SGCZ: variants seen among roughly 807,000 people sequenced by gnomAD.
The protein encoded by SGCZ is zeta-sarcoglycan.
A neutral mutation model predicts 41.3 loss-of-function variants in SGCZ; 40 were observed. The observed-to-expected ratio is 0.97, with a 90% confidence interval of 0.75 to 1.26. SGCZ has a LOEUF of 1.26. Ranked by LOEUF, SGCZ falls within the 50% of genes most tolerant of loss-of-function variation. The pLI, the probability that SGCZ is intolerant of heterozygous loss-of-function variation, is 0.00. For missense variants in SGCZ, 552 were observed against 369.8 expected (o/e 1.49, Z -4.04); for synonymous variants, 206 against 137.5 (o/e 1.50, Z -3.49).
chr8:14,948,391 G>C (rs1800523041), intron 1 of SGCZ, among the ~76,000 whole-genome samples: 1 of 151,958 alleles, frequency 6.6e-6, no homozygotes, highest in African/African-American at 2.4e-5. Flanking sequence ...CACTAAGAAG[G>C]AAACAGAGAG....
intron 1 of SGCZ, among the ~76,000 whole-genome samples, chr8:14,783,084 T>A (rs996880700): frequency 6.6e-5 from 10 of 152,198 alleles, no homozygotes; most frequent in African/African-American, 2.4e-4. Context: ...ATTTGGGGGC[T>A]TCTAATCATA....
chr8:14,551,922 C>G (rs1585072841), intron 2 of SGCZ, among the ~76,000 whole-genome samples: 1 of 150,902 alleles, frequency 6.6e-6, no homozygotes, highest in Non-Finnish European at 1.5e-5. Context: ...TGGCAGCTAT[C>G]CTTGCTATGC....
chr8:14,245,777 G>C (rs1799065099), intron 3 of SGCZ, among the ~76,000 whole-genome samples: 1 of 152,056 alleles, frequency 6.6e-6, no homozygotes, highest in East Asian at 1.9e-4. Context: ...CCATCAAAAA[G>C]TGGGTGAAGG....
chr8:14,994,394 G>A (rs543877264), intron 1 of SGCZ, among the ~76,000 whole-genome samples: 1 of 152,224 alleles, frequency 6.6e-6, no homozygotes, highest in Admixed American at 6.5e-5. Context: ...AACCAGCCTG[G>A]ACAACACGGT....
At chr8:15,143,319 T>G (rs1275645358) in intron 1 of SGCZ, among the ~76,000 whole-genome samples, 2 of 152,216 alleles carry the variant, frequency 1.3e-5, no homozygotes, top group Non-Finnish European at 2.9e-5. Flanking sequence ...TAGCACGTAG[T>G]AGGCATTGAA....
chr8:14,900,817 G>C (rs1201916552), intron 1 of SGCZ, among the ~76,000 whole-genome samples: 1 of 152,110 alleles, frequency 6.6e-6, no homozygotes, highest in Non-Finnish European at 1.5e-5. Context: ...CCAAAATTCA[G>C]AATCTTTCCT....
At chr8:14,829,146 T>G (rs932267704) in intron 1 of SGCZ, among the ~76,000 whole-genome samples, 1 of 125,036 alleles carries the variant, frequency 8.0e-6, no homozygotes, top group African/African-American at 4.1e-5. Flanking sequence ...CATCCAGGTA[T>G]GAAGGTCAGT....
chr8:15,014,170 A>G (rs1303256215), intron 1 of SGCZ, among the ~76,000 whole-genome samples: 1 of 152,204 alleles, frequency 6.6e-6, no homozygotes, highest in Non-Finnish European at 1.5e-5. Flanking sequence ...ACAAGCCTGG[A>G]GCACTGTGGT....
intron 1 of SGCZ, among the ~76,000 whole-genome samples, chr8:14,628,217 C>G (rs1007485834): frequency 6.6e-6 from 1 of 151,924 alleles, no homozygotes; most frequent in Non-Finnish European, 1.5e-5. Context: ...AGCAAGTCAT[C>G]TAAAAAAGAT....
chr8:14,246,572 T>C (rs1433372174), intron 3 of SGCZ, among the ~76,000 whole-genome samples: 2 of 150,144 alleles, frequency 1.3e-5, no homozygotes, highest in Non-Finnish European at 3.0e-5. Context: ...ATTGTGCACA[T>C]GTACCCTAAA....
intron 1 of SGCZ, among the ~76,000 whole-genome samples, chr8:14,893,138 C>A (rs1300449757): frequency 6.6e-6 from 1 of 152,110 alleles, no homozygotes; most frequent in Non-Finnish European, 1.5e-5. Flanking sequence ...CCCATCCAAT[C>A]ACATGGGTCC....
intron 1 of SGCZ, among the ~76,000 whole-genome samples, chr8:15,094,767 T>A (rs1806276093): frequency 6.6e-6 from 1 of 152,184 alleles, no homozygotes. Flanking sequence ...CTCTTGATAG[T>A]GAGTTGTCTC....
chr8:15,134,304 C>CTTTTTTT (rs59649473), intron 1 of SGCZ, among the ~76,000 whole-genome samples: 1 of 145,696 alleles, frequency 6.9e-6, no homozygotes, highest in Non-Finnish European at 1.5e-5. Context: ...AGCATTAGGT[C>CTTTTTTT]TTTTTTTTTT....
chr8:14,172,113 G>C (rs929992045), intron 4 of SGCZ, among the ~76,000 whole-genome samples: 3 of 152,076 alleles, frequency 2.0e-5, no homozygotes, highest in Non-Finnish European at 4.4e-5. Flanking sequence ...TAAGGTATTT[G>C]CATTAAAGCT....
At position 15,170,952 on chromosome 8, in the gene SGCZ, G is replaced by C. The variant is rs77361440; in HGVS notation, c.39+66633C>G. ...AAAAATTACAAAATTTAGATGATTT[G>C]GTAGCTGTGTGTATTCTAACATTCT... On this transcript the variant is annotated intron_variant, in intron 1 of 7. Coordinates refer to ENST00000382080, the MANE Select transcript of SGCZ (RefSeq NM_139167.4). Among the ~76,000 whole-genome samples the C allele has an allele frequency of 9.1e-3, 1,379 of 152,196 alleles. 26 individuals are homozygous for C. The highest frequency in any genetic ancestry group is 0.031 in the African/African-American group (1,300 of 41,536).
chr8:14,689,732 T>C (rs1474252975), intron 1 of SGCZ, among the ~76,000 whole-genome samples: 1 of 152,200 alleles, frequency 6.6e-6, no homozygotes, highest in African/African-American at 2.4e-5. Flanking sequence ...TGAAACTGTG[T>C]AATCACTGTC....
chr8:14,749,672 TA>T (rs1198565702), intron 1 of SGCZ, among the ~76,000 whole-genome samples: 11 of 152,182 alleles, frequency 7.2e-5, no homozygotes, highest in Non-Finnish European at 1.2e-4. Context: ...GGAGAATTGT[TA>T]CCATAGCAAA....
At position 14,638,486 on chromosome 8, in the gene SGCZ, A is replaced by T. The variant is rs150851387; in HGVS notation, c.40-83560T>A. On this transcript the variant is annotated intron_variant, in intron 1 of 7. Transcript: ENST00000382080. ...AAGTCTGAATTTAATTTGTTCAATC[A>T]CTTTCTTAAAGTCCATCAATATCTC... Among the ~76,000 whole-genome samples the T allele has an allele frequency of 8.2e-3, 1,245 of 151,866 alleles. 7 individuals carry two copies. The highest frequency in any genetic ancestry group is 0.011 in the Non-Finnish European group (759 of 67,850).
At chr8:14,621,705 C>G (rs1476882495) in intron 1 of SGCZ, among the ~76,000 whole-genome samples, 1 of 148,438 alleles carries the variant, frequency 6.7e-6, no homozygotes, top group East Asian at 2.8e-4. Flanking sequence ...ACCAGCAGAT[C>G]TCTTAAACAC....
Sources: gnomAD v4.1 joint callset for allele counts (sites outside exome capture counted in the v4.1 genomes callset) on GRCh38, gnomAD v4.1.1 for gene constraint, MANE v1.5 for transcripts, NCBI Gene and HGNC (gene_info 2026-07-23, HGNC 2026-07-21) for gene names.